Variants in UBE3A observed in about 807,000 individuals in gnomAD.
The protein encoded by UBE3A is ubiquitin-protein ligase E3A.
A neutral mutation model predicts 83.4 loss-of-function variants in UBE3A; 6 were observed. The ratio of observed to expected loss-of-function variants is 0.07; its 90% CI spans 0.04 to 0.14. The LOEUF is 0.14. Among genes scored for constraint, UBE3A ranks in the 10% least tolerant of loss-of-function variants. The probability of loss-of-function intolerance (pLI) is 1.00; values close to 1 mark genes in which losing one functional copy is unlikely to be tolerated. For missense variants in UBE3A, 456 were observed against 1,036.1 expected (o/e 0.44, Z 7.69); for synonymous variants, 337 against 355.4 (o/e 0.95, Z 0.58).
intron 4 of UBE3A, among the ~76,000 whole-genome samples, chr15:25,382,600 C>T (rs2082384203): frequency 6.6e-6 from 1 of 151,016 alleles, no homozygotes; most frequent in African/African-American, 2.4e-5. Flanking sequence ...AAATAAATTA[C>T]AGCTAAAATA....
intron 4 of UBE3A, among the ~76,000 whole-genome samples, chr15:25,397,745 C>T (rs2085914351): frequency 6.6e-6 from 1 of 152,078 alleles, no homozygotes; most frequent in Admixed American, 6.6e-5. Flanking sequence ...CTTCTCTTTC[C>T]CTCCCTGTTC....
chr15:25,429,847 A>C (rs1226264719), intron 1 of UBE3A, among the ~76,000 whole-genome samples: 2 of 150,702 alleles, frequency 1.3e-5, no homozygotes. Flanking sequence ...TCTACTAAAA[A>C]TACAAAAATT....
chr15:25,342,451 A>G (rs916482326), intron 11 of UBE3A, among the ~76,000 whole-genome samples: 1 of 152,246 alleles, frequency 6.6e-6, no homozygotes, highest in African/African-American at 2.4e-5. Context: ...AACAGGGAAC[A>G]AAATGCATCT....
In UBE3A at chr15:25,340,141, C is replaced by A. The variant is rs1595375310; in HGVS notation, c.2442G>T (p.Val814=). ...TCATCTTTAATTTTCCTAGTCCTCCCACAGGTGCTCTGTCTGTGCCCGTTG... is the reference window on the plus strand; with the variant it reads ...TCATCTTTAATTTTCCTAGTCCTCCAACAGGTGCTCTGTCTGTGCCCGTTG... ...QFTTGTDRAP[V]GGLGKLKMII... The change falls in exon 12 of 13, where the codon GTG becomes GTT. Residue 814 remains valine, a synonymous_variant. Transcript: ENST00000648336. 6.2e-7 allele frequency: 1 copy of A among 1,613,932 alleles called. No homozygotes were observed. The highest frequency in any genetic ancestry group is 1.3e-5 in the African/African-American group (1 of 74,924).
intron 1 of UBE3A, chr15:25,419,489 T>C (rs756564072): frequency 6.6e-6 from 1 of 152,048 alleles, no homozygotes; most frequent in Non-Finnish European, 1.5e-5. Context: ...TTGTAGCCAG[T>C]AGACCTATAC....
chr15:25,376,380 T>C (rs2152854073), intron 4 of UBE3A, among the ~76,000 whole-genome samples: 1 of 152,276 alleles, frequency 6.6e-6, no homozygotes, highest in South Asian at 2.1e-4. Flanking sequence ...AGGCAGATCA[T>C]GACTGTAATC....
chr15:25,410,592 A>C (rs73366276), intron 2 of UBE3A, among the ~76,000 whole-genome samples: 1,997 of 152,310 alleles, frequency 0.013, 43 homozygotes, highest in African/African-American at 0.046. Flanking sequence ...TCAGAACCCA[A>C]TATAAAACAG....
intron 1 of UBE3A, chr15:25,412,890 G>A (rs2090242848): frequency 3.4e-6 from 1 of 292,802 alleles, no homozygotes; most frequent in African/African-American, 2.3e-5. Flanking sequence ...AACTACTTGG[G>A]CTCTACTCGC....
At chr15:25,416,219 G>A (rs1450505457) in intron 1 of UBE3A, among the ~76,000 whole-genome samples, 1 of 152,126 alleles carries the variant, frequency 6.6e-6, no homozygotes, top group Non-Finnish European at 1.5e-5. Context: ...AATGTTTAGA[G>A]CAGCAGCAAT....
At chr15:25,366,097 C>A (rs932968825) in intron 6 of UBE3A, among the ~76,000 whole-genome samples, 1 of 152,088 alleles carries the variant, frequency 6.6e-6, no homozygotes, top group African/African-American at 2.4e-5. Flanking sequence ...TGCTGAGGAT[C>A]TATGTATATA....
chr15:25,398,201 CAAAA>C (rs1342293237), intron 4 of UBE3A, among the ~76,000 whole-genome samples: 1 of 109,906 alleles, frequency 9.1e-6, no homozygotes, highest in South Asian at 2.9e-4. Flanking sequence ...ACACAAAAAA[CAAAA>C]AAAAGGATAC....
chr15:25,382,982 C>G (rs2082458467), intron 4 of UBE3A, among the ~76,000 whole-genome samples: 1 of 148,148 alleles, frequency 6.8e-6, no homozygotes, highest in African/African-American at 2.7e-5. Flanking sequence ...AAAACTCTAC[C>G]AAACATTTAA....
At chr15:25,400,586 GTCT>G (rs1184119271) in intron 4 of UBE3A, among the ~76,000 whole-genome samples, 1 of 152,112 alleles carries the variant, frequency 6.6e-6, no homozygotes, top group African/African-American at 2.4e-5. Flanking sequence ...ACATGGAATT[GTCT>G]TCTTGATTTT....
chr15:25,343,622 C>T (rs961859163), intron 11 of UBE3A, among the ~76,000 whole-genome samples: 3 of 151,766 alleles, frequency 2.0e-5, no homozygotes, highest in Non-Finnish European at 2.9e-5. Context: ...AGCATAATAA[C>T]GAAAAAGATT....
rs185105069 is a variant in UBE3A at position 25,417,046 on chromosome 15, A to G, written c.-164-5075T>C. 9.5e-4 allele frequency among the ~76,000 whole-genome samples: 145 copies of G among 152,264 alleles called. 1 individual carries two copies. Among genetic ancestry groups the G allele is most frequent in the Non-Finnish European group, 1.6e-3 (108 of 68,014 alleles). ...AATGGCTTCAGAAATCTGCCATTTG[A>G]GAGTCCACTGCTGAGTACTAACTGT... On this transcript the variant is annotated intron_variant, in intron 1 of 12. Transcript: ENST00000648336.
chr15:25,352,127 G>A (rs376721017), intron 11 of UBE3A, among the ~76,000 whole-genome samples: 26 of 152,098 alleles, frequency 1.7e-4, no homozygotes, highest in Admixed American at 3.3e-4. Flanking sequence ...CCCAGGAAGC[G>A]GAGGTTGCAG....
chr15:25,409,602 C>T (rs1041933), intron 2 of UBE3A, among the ~76,000 whole-genome samples: 93,699 of 151,826 alleles, frequency 0.62, 32,617 homozygotes, highest in Non-Finnish European at 0.78. Flanking sequence ...GAAGGACTGA[C>T]TAAAACCCAG....
At chr15:25,373,531 C>CA (rs2152834980) in intron 5 of UBE3A, 1 of 152,378 alleles carries the variant, frequency 6.6e-6, no homozygotes, top group African/African-American at 2.4e-5. Context: ...GGTTGGAATG[C>CA]AGTGGCACCA....
chr15:25,375,730 G>C lies in UBE3A; in HGVS notation c.96C>G (p.Arg32=). The stretch of plus-strand genomic sequence containing the variant: ...AGCCCTCAGTTAACTGGTGGTAGTA[G>C]CGTTCTATTAGATGCTTTGCAGCTG... ...KRAAAKHLIE[R]YYHQLTEGCG... Residue 32 remains arginine, a synonymous_variant, in exon 5 of 13, where the codon CGC becomes CGG. Transcript: ENST00000648336. 6.2e-7 allele frequency: 1 copy of C among 1,613,494 alleles called. No individual in the cohort carries two copies. The highest frequency in any genetic ancestry group is 1.1e-5 in the South Asian group (1 of 91,078).
Sources: allele counts gnomAD v4.1 joint callset (sites outside exome capture counted in the v4.1 genomes callset), GRCh38; gene constraint gnomAD v4.1.1; transcripts MANE v1.5; gene names NCBI Gene and HGNC (gene_info 2026-07-23, HGNC 2026-07-21).